PYGM: variants seen among roughly 807,000 people sequenced by gnomAD.
PYGM encodes glycogen phosphorylase, muscle associated.
PYGM carries 81 observed loss-of-function variants against 99.3 expected under a neutral mutation model. The observed-to-expected ratio is 0.82, with a 90% confidence interval of 0.68 to 0.98. PYGM has a LOEUF of 0.98. Ranked by LOEUF, PYGM falls within the 50% of genes least tolerant of loss-of-function variation. The pLI is 0.00. For missense variants in PYGM, 1,030 were observed against 1,158.1 expected (o/e 0.89, Z 1.61); for synonymous variants, 436 against 451.5 (o/e 0.97, Z 0.44).
chr11:64,757,319 A>G (rs2058400238), intron 5 of PYGM, among the ~76,000 whole-genome samples: 1 of 152,054 alleles, frequency 6.6e-6, no homozygotes, highest in Non-Finnish European at 1.5e-5. Flanking sequence ...CGGCCTTCTA[A>G]AGTGCTGGGA....
intron 1 of PYGM, 26 bp downstream of exon 1, chr11:64,759,630 C>T: frequency 1.2e-6 from 2 of 1,612,018 alleles, no homozygotes; most frequent in Non-Finnish European, 1.7e-6. Flanking sequence ...CAGCCCATAC[C>T]CCCACCCCAG....
At position 64,750,394 on chromosome 11, in the gene PYGM, T is replaced by A. The variant is rs2058346483; in HGVS notation, c.2159A>T (p.Asp720Val). Residue 720 changes from aspartate to valine, a missense_variant, in exon 17 of 20, where the codon GAT (aspartate) becomes GTT (valine). By Grantham distance (152) the Asp-to-Val change is radical. Transcript: ENST00000164139. ...FIFGMRVEDV[D>V]KLDQRGYNAQ... is the part of the protein sequence containing the mutation. ...CCCATACCCTCTTTGGTCAAGCTTA[T>A]CCACATCCTCCACCCGCATGCCAAA... 6.2e-7 allele frequency: 1 copy of A among 1,614,092 alleles called. No individual in the cohort carries two copies. Among genetic ancestry groups the A allele is most frequent in the Non-Finnish European group, 8.5e-7 (1 of 1,180,012 alleles).
chr11:64,752,171 G>A (rs1040613442), intron 13 of PYGM, 100 bp from the exon 14 acceptor site: 83 of 1,526,368 alleles, frequency 5.4e-5, no homozygotes, highest in Non-Finnish European at 7.3e-5. Flanking sequence ...CTACCAGGAG[G>A]CTCACTGGCT....
chr11:64,751,727 C>A, intron 14 of PYGM, 72 bp from the exon 15 acceptor site: 1 of 1,582,480 alleles, frequency 6.3e-7, no homozygotes, highest in South Asian at 1.1e-5. Flanking sequence ...AGAGGCTGGG[C>A]TGGGACACCG....
At position 64,757,662 on chromosome 11, in the gene PYGM, C is replaced by T. The variant is rs2058402119; in HGVS notation, c.660+117G>A. On this transcript the variant is annotated intron_variant, in intron 5 of 19. Coordinates refer to ENST00000164139, the MANE Select transcript of PYGM (RefSeq NM_005609.4). ...GTGTGACTTTGAGTAAGTCACTTAACCTCTCTGAGCCTCAGCATCCTCAGG... is the reference window on the plus strand; with the variant it reads ...GTGTGACTTTGAGTAAGTCACTTAATCTCTCTGAGCCTCAGCATCCTCAGG... The T allele has an allele frequency of 2.9e-5, 42 of 1,461,100 alleles. 1 individual carries two copies. In the South Asian group the frequency reaches 4.0e-4, roughly 14 times the overall value. 90.5% of individuals were successfully genotyped at this position (1,461,100 alleles called of 1,614,324 possible).
At chr11:64,748,529 A>C (rs1246842903) in intron 17 of PYGM, 1 of 152,176 alleles carries the variant, frequency 6.6e-6, no homozygotes, top group Non-Finnish European at 1.5e-5. Context: ...TAACTCAGAA[A>C]TATCACCCTT....
chr11:64,749,837 G>A (rs1449422309), intron 17 of PYGM, among the ~76,000 whole-genome samples: 1 of 141,860 alleles, frequency 7.0e-6, no homozygotes, highest in Non-Finnish European at 1.5e-5. Context: ...CTGTTACCCA[G>A]GCTGGAGCGC....
intron 5 of PYGM, 27 bp downstream of exon 5, chr11:64,757,752 T>C (rs1201727117): frequency 1.3e-5 from 21 of 1,613,962 alleles, no homozygotes; most frequent in Non-Finnish European, 1.8e-5. Context: ...TTCTCTGGGC[T>C]CCCCTGACCC....
chr11:64,758,008 C>T lies in PYGM; in HGVS notation c.529-98G>A. On this transcript the variant is annotated intron_variant, in intron 4 of 19. Transcript: ENST00000164139. ...GGTGGGGGCCGTGGGCCGGTGTACC[C>T]TACACCAAGTATAAGTCAGGAGCTC... 3.9e-6 allele frequency: 6 copies of T among 1,547,116 alleles called. No individual in the cohort carries two copies. The South Asian group carries it at 6.8e-5, about 18-fold the overall frequency.
intron 5 of PYGM, among the ~76,000 whole-genome samples, chr11:64,756,761 G>A (rs964689355): frequency 7.2e-5 from 11 of 151,942 alleles, no homozygotes; most frequent in Non-Finnish European, 1.5e-5. Flanking sequence ...CCTAAACTGG[G>A]ATTTGTACAC....
chr11:64,757,309 C>T (rs7938455), intron 5 of PYGM, among the ~76,000 whole-genome samples: 17,924 of 152,102 alleles, frequency 0.12, 1,425 homozygotes, highest in East Asian at 0.35. Context: ...ACTGTCACCT[C>T]GGCCTTCTAA....
chr11:64,749,629 G>A (rs545689728), intron 17 of PYGM, among the ~76,000 whole-genome samples: 45 of 150,216 alleles, frequency 3.0e-4, no homozygotes, highest in African/African-American at 1.1e-3. Context: ...GTGACAGAGC[G>A]AGACTCCGTC....
chr11:64,756,801 G>A (rs915117230), intron 5 of PYGM, among the ~76,000 whole-genome samples: 1 of 151,860 alleles, frequency 6.6e-6, no homozygotes, highest in Non-Finnish European at 1.5e-5. Context: ...TTCAGTTTTT[G>A]GTCTTTTTGC....
At position 64,754,308 on chromosome 11, in the gene PYGM, G is replaced by C; in HGVS notation, c.1037C>G (p.Ala346Gly). The C allele has an allele frequency of 6.2e-7, 1 of 1,613,800 alleles. No individual in the cohort carries two copies. The highest frequency in any genetic ancestry group is 8.5e-7 in the Non-Finnish European group (1 of 1,179,946). The change falls in exon 9 of 20, where the codon GCC becomes GGC. Residue 346 changes from alanine (A) to glycine (G), a missense_variant. Ala to Gly is a moderately conservative substitution (Grantham distance 60). Coordinates refer to ENST00000164139, the MANE Select transcript of PYGM (RefSeq NM_005609.4). This position sits in a 1 kb window ranked among gnomAD's most constrained non-coding sequence, Gnocchi z 5.5. Reference sequence around the variant, plus strand: ...CAGGATCCTCATCAGCTCGGGGATGGCCAGGGAGGGGTGGGTGTCATTGAG... The same window carrying C: ...CAGGATCCTCATCAGCTCGGGGATGCCCAGGGAGGGGTGGGTGTCATTGAG... ...IQLNDTHPSL[A>G]IPELMRILVD...
chr11:64,746,996 G>A lies in PYGM; in HGVS notation c.2313-9C>T, dbSNP rs1382974067. ...CTGCGAAGACTTTAAACCTGGAGGG[G>A]AAAGGATAGGCATGTGCTATTCCTT... On this transcript the variant is annotated splice_polypyrimidine_tract_variant and intron_variant, in intron 18 of 19. Transcript: ENST00000164139. The A allele has an allele frequency of 6.2e-7, 1 of 1,613,920 alleles. No homozygotes were observed. The highest frequency in any genetic ancestry group is 8.5e-7 in the Non-Finnish European group (1 of 1,179,774).
Position 64,757,763 on chromosome 11 carries a change from CCAG to C in PYGM, c.660+13_660+15del, listed in dbSNP as rs760532304. The C allele has an allele frequency of 9.9e-6, 16 of 1,614,004 alleles. No individual in the cohort carries two copies. The African/African-American group carries it at 1.7e-4, about 18-fold the overall frequency. ...CCCCTTCTCTGGGCTCCCCTGACCCCCAGCTTCATCCTCACCTGTGTGTCCACC... is the reference window on the plus strand; with the variant it reads ...CCCCTTCTCTGGGCTCCCCTGACCCCCTTCATCCTCACCTGTGTGTCCACC... On this transcript the variant is annotated intron_variant, in intron 5 of 19. Transcript: ENST00000164139.
rs768599199 is a variant in PYGM at position 64,759,640 on chromosome 11, G to A, written c.243+16C>T. On this transcript the variant is annotated intron_variant, in intron 1 of 19. Coordinates refer to ENST00000164139, the MANE Select transcript of PYGM (RefSeq NM_005609.4). ...GCCTTCAGCCCATACCCCCACCCCA[G>A]GCTCCCCAGCAGCACCTTGGGGTCC... is the stretch of plus-strand genomic sequence containing the variant. 6.8e-6 allele frequency: 11 copies of A among 1,612,760 alleles called. No homozygotes were observed. The East Asian group carries it at 1.1e-4, about 16-fold the overall frequency.
Position 64,746,687 on chromosome 11 carries a change from C to T in PYGM, c.2501G>A (p.Arg834His), listed in dbSNP as rs548125114. ...EIWGVEPSRQ[R>H]LPAPDEAI ...GATGGCCTCATCCGGGGCTGGCAGG[C>T]GCTGGCGGGAAGGCTCCACACCCCA... Residue 834 changes from arginine (R) to histidine (H), a missense_variant, in exon 20 of 20, where the codon CGC becomes CAC. By Grantham distance (29) the Arg-to-His change is conservative. Coordinates refer to ENST00000164139, the MANE Select transcript of PYGM (RefSeq NM_005609.4). 9.9e-6 allele frequency: 16 copies of T among 1,614,190 alleles called. No homozygotes were observed. The highest frequency in any genetic ancestry group is 3.3e-5 in the South Asian group (3 of 91,088).
rs1416006850 is a variant in PYGM, at chr11:64,759,726, T to C, written c.173A>G (p.His58Arg). ...TPRDYYFALAHTVRDHLVGRW... is the reference protein window; with the variant it reads ...TPRDYYFALARTVRDHLVGRW... The stretch of plus-strand genomic sequence containing the variant: ...CCCCACGAGGTGGTCGCGCACGGTA[T>C]GGGCCAGAGCAAAGTAGTAGTCTCG... Residue 58 changes from histidine to arginine, a missense_variant, in exon 1 of 20, where the codon CAT (histidine) becomes CGT (arginine). Coordinates refer to ENST00000164139, the MANE Select transcript of PYGM (RefSeq NM_005609.4). 6.2e-7 allele frequency: 1 copy of C among 1,614,218 alleles called. No individual in the cohort carries two copies. The highest frequency in any genetic ancestry group is 2.2e-5 in the East Asian group (1 of 44,886).
Sources: gnomAD v4.1 joint callset for allele counts (sites outside exome capture counted in the v4.1 genomes callset) on GRCh38, gnomAD v4.1.1 for gene constraint, Gnocchi (gnomAD v3.1) non-coding constraint, MANE v1.5 for transcripts, NCBI Gene and HGNC (gene_info 2026-07-23, HGNC 2026-07-21) for gene names.